CAPN2: variants seen among roughly 807,000 people sequenced by gnomAD.
CAPN2 encodes calpain 2.
Under a neutral mutation model 102.3 loss-of-function variants are expected in CAPN2, and 92 were observed. The observed-to-expected ratio is 0.90, with a 90% confidence interval of 0.76 to 1.07. The LOEUF is 1.07. Among genes scored for constraint, CAPN2 ranks in the 50% least tolerant of loss-of-function variants. The pLI is 0.00. For synonymous variants in CAPN2, 340 were observed against 355.4 expected, an observed-to-expected ratio of 0.96 and a Z score of 0.49; for missense variants, 800 against 909.4, an observed-to-expected ratio of 0.88 and a Z score of 1.55.
intron 12 of CAPN2, among the ~76,000 whole-genome samples, chr1:223,760,076 A>C (rs1019563733): frequency 6.6e-6 from 1 of 152,186 alleles, no homozygotes; most frequent in Non-Finnish European, 1.5e-5. Flanking sequence ...CTTCTGCCTC[A>C]ACCATGTATG....
intron 14 of CAPN2, among the ~76,000 whole-genome samples, chr1:223,763,940 A>C (rs959971192): frequency 3.9e-5 from 6 of 152,160 alleles, no homozygotes; most frequent in Non-Finnish European, 8.8e-5. Flanking sequence ...AAAAGAACCA[A>C]ACCAAAAACA....
At position 223,753,551 on chromosome 1, in the gene CAPN2, C is replaced by T. The variant is rs199517208; in HGVS notation, c.1135+595C>T. On this transcript the variant is annotated intron_variant, in intron 9 of 20. Transcript: ENST00000295006. ...GTCAGCAGTTGTCTGAACATGATGA[C>T]ATCTGCCAATTATGGGGCACACCTT... is the stretch of plus-strand genomic sequence containing the variant. 2.5e-4 allele frequency among the ~76,000 whole-genome samples: 38 copies of T among 152,366 alleles called. No homozygotes were observed. In the East Asian group the frequency reaches 7.0e-3, roughly 28 times the overall value.
rs960557765 is a variant in CAPN2 at position 223,759,067 on chromosome 1, G to A, written c.1318-203G>A. The A allele has an allele frequency of 3.4e-5, 20 of 594,138 alleles. No individual in the cohort carries two copies. In the African/African-American group the frequency reaches 3.7e-4, roughly 11 times the overall value. The allele number at this position is 594,138 out of a possible 1,614,324, so 36.8% of individuals were successfully genotyped here. A position where few individuals can be genotyped will look rare whatever the true frequency, so the allele number is the denominator to read the frequency against. On this transcript the variant is annotated intron_variant, in intron 11 of 20. Coordinates refer to ENST00000295006, the MANE Select transcript of CAPN2 (RefSeq NM_001748.5). This position sits in a 1 kb window ranked among gnomAD's most constrained non-coding sequence, Gnocchi z 4.6. ...TTTTTTAAAAAAATTTTGTTGTTTT[G>A]TTGTTGTTGTCGTCGTTATATAGAT...
chr1:223,724,650 C>T (rs1660142222), intron 2 of CAPN2, among the ~76,000 whole-genome samples: 1 of 152,192 alleles, frequency 6.6e-6, no homozygotes, highest in Admixed American at 6.5e-5. Context: ...GGATAGTATT[C>T]ACATCAGAGC....
rs1558076247 is a variant in CAPN2, at chr1:223,761,617, GGTATTT to G, written c.1566+4_1566+9del. ...ATGAAATCGAGGCCAATCTTGAAGA[GGTATTT>G]GTAACTCTTTGAATTTCACCCACTC... On this transcript the variant is annotated splice_donor_variant and splice_donor_5th_base_variant and intron_variant, in intron 13 of 20. Coordinates refer to ENST00000295006, the MANE Select transcript of CAPN2 (RefSeq NM_001748.5). LOFTEE classifies it high-confidence loss of function. 6.2e-7 allele frequency: 1 copy of G among 1,611,204 alleles called. No homozygotes were observed. The highest frequency in any genetic ancestry group is 8.5e-7 in the Non-Finnish European group (1 of 1,177,654).
upstream of CAPN2, among the ~76,000 whole-genome samples, chr1:223,710,582 A>G (rs183664003): frequency 3.6e-4 from 55 of 152,240 alleles, 1 homozygote; most frequent in East Asian, 5.8e-3. Flanking sequence ...ATACCTCTCC[A>G]GCGTGAACAT....
At chr1:223,709,498 T>C (rs1298311554), upstream of CAPN2, among the ~76,000 whole-genome samples, 2 of 151,768 alleles carry the variant, frequency 1.3e-5, no homozygotes, top group African/African-American at 4.8e-5. Context: ...CTGTCCCTAC[T>C]AAAAATACAA....
At chr1:223,762,982 C>T (rs879687655) in intron 14 of CAPN2, among the ~76,000 whole-genome samples, 2 of 151,822 alleles carry the variant, frequency 1.3e-5, no homozygotes, top group Non-Finnish European at 2.9e-5. Context: ...ACCACCATGC[C>T]CAGCTAATTT....
chr1:223,712,734 T>A lies in CAPN2; in HGVS notation c.94T>A (p.Tyr32Asn), dbSNP rs369686010. 1 of 1,587,706 alleles carries A rather than the reference T, an allele frequency of 6.3e-7. No homozygotes were observed. The highest frequency in any genetic ancestry group is 8.6e-7 in the Non-Finnish European group (1 of 1,169,130). Residue 32 changes from tyrosine to asparagine, a missense_variant, in exon 1 of 21, where the codon TAC becomes AAC. By Grantham distance (143) the Tyr-to-Asn change is moderately radical. Transcript: ENST00000295006. ...DRAIKYLNQD[Y>N]EALRNECLEA... Reference sequence around the variant, plus strand: ...GGCCATCAAGTACCTCAACCAGGACTACGAGGCGCTGCGGAACGAGTGCCT... The same window carrying A: ...GGCCATCAAGTACCTCAACCAGGACAACGAGGCGCTGCGGAACGAGTGCCT...
chr1:223,740,957 C>G (rs1196420433), intron 2 of CAPN2, among the ~76,000 whole-genome samples: 2 of 152,226 alleles, frequency 1.3e-5, no homozygotes, highest in East Asian at 1.9e-4. Context: ...ATAGACCTGA[C>G]AGCCACTAAT....
intron 20 of CAPN2, 42 bp downstream of exon 20, chr1:223,772,281 A>C: frequency 6.4e-7 from 1 of 1,563,366 alleles, no homozygotes; most frequent in Non-Finnish European, 8.8e-7. Flanking sequence ...GGGATGGGGG[A>C]GGCATGGGGC....
rs1287705917 is a variant in CAPN2, at chr1:223,725,073, C to A, written c.307+7242C>A. On this transcript the variant is annotated intron_variant, in intron 2 of 20. Transcript: ENST00000295006. This position sits in a 1 kb window ranked among gnomAD's most constrained non-coding sequence, Gnocchi z 4.1. ...AGTTAGGGACTGGCCTCTTATTCTG[C>A]CACATACTGGCTCTGTCATTTTGAG... Among the ~76,000 whole-genome samples the A allele has an allele frequency of 6.6e-6, 1 of 152,228 alleles. No homozygotes were observed. Among genetic ancestry groups the A allele is most frequent in the Non-Finnish European group, 1.5e-5 (1 of 68,042 alleles).
rs374729587 is a variant in CAPN2, at chr1:223,771,843, C to T, written c.1938C>T (p.Ile646=). 5 of 1,613,908 alleles carry T rather than the reference C, an allele frequency of 3.1e-6. No individual in the cohort carries two copies. The highest frequency in any genetic ancestry group is 3.4e-6 in the Non-Finnish European group (4 of 1,179,918). Residue 646 remains isoleucine (I), a synonymous_variant, in exon 19 of 21, where the codon ATC becomes ATT. Transcript: ENST00000295006. The part of the protein sequence containing the change: ...FKMPCQLHQV[I]VARFADDQLI... The stretch of plus-strand genomic sequence containing the variant: ...TGCCCTGTCAACTCCACCAAGTCAT[C>T]GTTGCTCGGTTTGCAGATGACCAGC...
At position 223,759,317 on chromosome 1, in the gene CAPN2, G is replaced by A. The variant is rs760552632; in HGVS notation, c.1365G>A (p.Thr455=). Residue 455 remains threonine, a synonymous_variant, in exon 12 of 21, where the codon ACG becomes ACA. Transcript: ENST00000295006. This position sits in a 1 kb window ranked among gnomAD's most constrained non-coding sequence, Gnocchi z 4.6. ...ACCTCAGCAAAAACTTCTTCCTGAC[G>A]AATCGCGCCAGGGAGCGCTCAGACA... ...NIHLSKNFFL[T]NRARERSDTF... 58 of 1,614,070 alleles carry A rather than the reference G, an allele frequency of 3.6e-5. No individual in the cohort carries two copies. The highest frequency in any genetic ancestry group is 4.3e-5 in the Non-Finnish European group (51 of 1,180,056).
Position 223,731,021 on chromosome 1 carries a change from T to C in CAPN2, c.308-13079T>C, listed in dbSNP as rs566624199. Among the ~76,000 whole-genome samples, 3 of 152,266 alleles carry C rather than the reference T, an allele frequency of 2.0e-5. No homozygotes were observed. The highest frequency in any genetic ancestry group is 7.2e-5 in the African/African-American group (3 of 41,536). ...GAAGTAGTGGAGGCAAATTATTAAA[T>C]GGATGGATTAATTCCAAGTTCAGAT... On this transcript the variant is annotated intron_variant, in intron 2 of 20. Coordinates refer to ENST00000295006, the MANE Select transcript of CAPN2 (RefSeq NM_001748.5). The surrounding 1 kb of genome is among the most constrained non-coding windows in gnomAD (Gnocchi z 4.2).
At position 223,752,893 on chromosome 1, in the gene CAPN2, C is replaced by CT; in HGVS notation, c.1073dup (p.Thr359HisfsTer38). ...CAGCGATACCTACAAGAAGTGGAAA[C>CT]TCACCAAAATGGATGGGAACTGGAG... On this transcript the variant is annotated frameshift_variant, in exon 9 of 21. Coordinates refer to ENST00000295006, the MANE Select transcript of CAPN2 (RefSeq NM_001748.5). LOFTEE classifies it high-confidence loss of function. 1 of 1,614,184 alleles carries CT rather than the reference C, an allele frequency of 6.2e-7. No homozygotes were observed. Among genetic ancestry groups the CT allele is most frequent in the Non-Finnish European group, 8.5e-7 (1 of 1,180,026 alleles).
At chr1:223,774,416 C>T (rs978071604) in intron 20 of CAPN2, among the ~76,000 whole-genome samples, 1 of 152,218 alleles carries the variant, frequency 6.6e-6, no homozygotes, top group Non-Finnish European at 1.5e-5. Flanking sequence ...GGTGTCCTGT[C>T]TGTATCCCAG....
rs1317311817 is a variant in CAPN2, at chr1:223,712,592, G to A, written c.-49G>A. On this transcript the variant is annotated 5_prime_UTR_variant, in exon 1 of 21. Coordinates refer to ENST00000295006, the MANE Select transcript of CAPN2 (RefSeq NM_001748.5). ...GCCGCGCCCCAGCCGAGCGCAGCGCGGAGTCGCCCCGACCTTTCTCTGCGC... is the reference window on the plus strand; with the variant it reads ...GCCGCGCCCCAGCCGAGCGCAGCGCAGAGTCGCCCCGACCTTTCTCTGCGC... 3.4e-6 allele frequency: 5 copies of A among 1,452,730 alleles called. No individual in the cohort carries two copies. The highest frequency in any genetic ancestry group is 4.5e-6 in the Non-Finnish European group (5 of 1,102,798). 90.0% of individuals were successfully genotyped at this position (1,452,730 alleles called of 1,614,324 possible). A position where few individuals can be genotyped will look rare whatever the true frequency, so the allele number is the denominator to read the frequency against.
intron 5 of CAPN2, among the ~76,000 whole-genome samples, chr1:223,748,809 G>A (rs1558071205): frequency 6.6e-6 from 1 of 152,252 alleles, no homozygotes; most frequent in African/African-American, 2.4e-5. Flanking sequence ...CGTTCCGCGA[G>A]AGGGTTGCAT....
Sources: gnomAD v4.1 joint callset for allele counts (sites outside exome capture counted in the v4.1 genomes callset) on GRCh38, gnomAD v4.1.1 for gene constraint, Gnocchi (gnomAD v3.1) non-coding constraint, MANE v1.5 for transcripts, NCBI Gene and HGNC (gene_info 2026-07-23, HGNC 2026-07-21) for gene names.